Variants in STK11 observed in about 807,000 individuals in gnomAD.
The protein encoded by STK11 is serine/threonine kinase 11.
In STK11, 8 loss-of-function variants were observed where a neutral mutation model predicts 47.3. The observed-to-expected ratio is 0.17, with a 90% CI of 0.10 to 0.31. STK11 has a LOEUF of 0.31. Ranked by LOEUF, STK11 falls within the 10% of genes least tolerant of loss-of-function variation. STK11 has a pLI of 1.00. For missense variants in STK11, 475 were observed against 605.0 expected (o/e 0.79, Z 2.25); for synonymous variants, 330 against 255.8 (o/e 1.29, Z -2.77).
rs769772524 is a variant in STK11, at chr19:1,226,563, G to A, written c.1218G>A (p.Ala406=). Residue 406 remains alanine (A), a synonymous_variant, in exon 9 of 10, where the codon GCG becomes GCA. Coordinates refer to ENST00000326873, the MANE Select transcript of STK11 (RefSeq NM_000455.5). ...EAAQLSTKSR[A]EGRAPNPARK... The stretch of plus-strand genomic sequence containing the variant: ...CGCAGCTGAGCACCAAATCCAGGGC[G>A]GAGGGCCGGGCCCCCAACCCTGCCC... 9.4e-6 allele frequency: 15 copies of A among 1,592,314 alleles called. 1 individual carries two copies. Among genetic ancestry groups the A allele is most frequent in the East Asian group, 6.9e-5 (3 of 43,582 alleles).
chr19:1,206,772 CCCTT>C lies in STK11; in HGVS notation c.-137_-134del. ...CGTTTCTGTTGGAAGAAGGGTTTTTCCCTTCCTTTTGGGGTTTTTGTTGCCTTTT... is the reference window on the plus strand; with the variant it reads ...CGTTTCTGTTGGAAGAAGGGTTTTTCCCTTTTGGGGTTTTTGTTGCCTTTT... On this transcript the variant is annotated 5_prime_UTR_variant, in exon 1 of 10. Coordinates refer to ENST00000326873, the MANE Select transcript of STK11 (RefSeq NM_000455.5). The C allele has an allele frequency of 2.7e-6, 3 of 1,099,400 alleles. No homozygotes were observed. The highest frequency in any genetic ancestry group is 3.8e-6 in the Non-Finnish European group (3 of 793,598). The allele number at this position is 1,099,400 out of a possible 1,614,324, so 68.1% of individuals were successfully genotyped here.
chr19:1,223,780 C>T (rs542998747), intron 8 of STK11: 28 of 1,037,294 alleles, frequency 2.7e-5, no homozygotes, highest in African/African-American at 6.7e-5. Context: ...AGCGTAGGGG[C>T]GGCCCACATT....
chr19:1,223,042 A>G lies in STK11; in HGVS notation c.978A>G (p.Pro326=), dbSNP rs1555739204. ...CACCAGTGCCCATCCCACCGAGCCC[A>G]GACACCAAGGACCGGTGGCGCAGCA... ...AEAPVPIPPS[P]DTKDRWRSMT... Residue 326 remains proline, a synonymous_variant, in exon 8 of 10, where the codon CCA becomes CCG. Transcript: ENST00000326873. The G allele has an allele frequency of 6.3e-7, 1 of 1,599,008 alleles. No individual in the cohort carries two copies. The highest frequency in any genetic ancestry group is 8.5e-7 in the Non-Finnish European group (1 of 1,173,594).
Position 1,206,399 on chromosome 19 carries a change from A to T in STK11, c.-515A>T. On this transcript the variant is annotated 5_prime_UTR_variant, in exon 1 of 10. Transcript: ENST00000326873. ...CGGTGGGACCGGGGCGTCGCCGGAGACGCCCCCAGCGAAGTTGGGCTCTCC... is the reference window on the plus strand; with the variant it reads ...CGGTGGGACCGGGGCGTCGCCGGAGTCGCCCCCAGCGAAGTTGGGCTCTCC... The T allele has an allele frequency of 4.3e-6, 1 of 232,350 alleles. No individual in the cohort carries two copies. The highest frequency in any genetic ancestry group is 6.1e-5 in the East Asian group (1 of 16,482). 14.4% of individuals were successfully genotyped at this position (232,350 alleles called of 1,614,324 possible). A position where few individuals can be genotyped will look rare whatever the true frequency, so the allele number is the denominator to read the frequency against.
At chr19:1,219,277 C>T (rs1471011937) in intron 2 of STK11, 47 bp from the exon 3 acceptor site, 9 of 1,550,482 alleles carry the variant, frequency 5.8e-6, no homozygotes, top group East Asian at 2.4e-5. Flanking sequence ...GCTCCCTGGG[C>T]CTGTGAGTGG....
At position 1,228,084 on chromosome 19, in the gene STK11, A is replaced by T. The variant is rs2080840959; in HGVS notation, c.*508A>T. 2 of 1,065,092 alleles carry T rather than the reference A, an allele frequency of 1.9e-6. No individual in the cohort carries two copies. Among genetic ancestry groups the T allele is most frequent in the East Asian group, 9.9e-5 (2 of 20,114 alleles). The allele number at this position is 1,065,092 out of a possible 1,614,324, so 66.0% of individuals were successfully genotyped here. Reference sequence around the variant, plus strand: ...CTTTTTTTTTTTAAGAAAAAATAAAAGGTGGATTTGAGCTGTGGCTGTGAG... The same window carrying T: ...CTTTTTTTTTTTAAGAAAAAATAAATGGTGGATTTGAGCTGTGGCTGTGAG... On this transcript the variant is annotated 3_prime_UTR_variant, in exon 10 of 10. Transcript: ENST00000326873.
At chr19:1,220,065 CAG>C in intron 3 of STK11, 1 of 355,038 alleles carries the variant, frequency 2.8e-6, no homozygotes. Flanking sequence ...TGCAGGACCA[CAG>C]GGGCAGGGAG....
chr19:1,223,981 T>TA (rs2080804064), intron 8 of STK11: 1 of 1,008,232 alleles, frequency 9.9e-7, no homozygotes, highest in East Asian at 7.1e-5. Context: ...AGAAGGGGGG[T>TA]ACGCCAGGCA....
rs988561708 is a variant in STK11, at chr19:1,223,834, C to T, written c.1108+662C>T. Reference sequence around the variant, plus strand: ...GCCATGCTCCCGGCTTGGCTGTGTTCGGCCCAGGGCTGGGCCGTGTCATAA... The same window carrying T: ...GCCATGCTCCCGGCTTGGCTGTGTTTGGCCCAGGGCTGGGCCGTGTCATAA... On this transcript the variant is annotated intron_variant, in intron 8 of 9. Transcript: ENST00000326873. 3.0e-5 allele frequency: 31 copies of T among 1,028,384 alleles called. No homozygotes were observed. The Admixed American group carries it at 6.3e-4, about 21-fold the overall frequency. The allele number at this position is 1,028,384 out of a possible 1,614,324, so 63.7% of individuals were successfully genotyped here.
At chr19:1,226,329 A>C in intron 8 of STK11, 125 bp from the exon 9 acceptor site, 1 of 1,492,998 alleles carries the variant, frequency 6.7e-7, no homozygotes, top group East Asian at 2.5e-5. Flanking sequence ...CCTGGGCCTG[A>C]CCCGGGGGCG....
intron 1 of STK11, among the ~76,000 whole-genome samples, chr19:1,216,098 T>G (rs922742010): frequency 5.3e-5 from 8 of 151,156 alleles, no homozygotes; most frequent in African/African-American, 1.7e-4. Flanking sequence ...AAAAAAAAAC[T>G]ATGGAGATGG....
chr19:1,220,454 G>A lies in STK11; in HGVS notation c.546G>A (p.Leu182=), dbSNP rs2145424468. The A allele has an allele frequency of 6.2e-7, 1 of 1,607,214 alleles. No individual in the cohort carries two copies. Among genetic ancestry groups the A allele is most frequent in the Non-Finnish European group, 8.5e-7 (1 of 1,177,328 alleles). Residue 182 remains leucine (L), a synonymous_variant, in exon 4 of 10, where the codon CTG becomes CTA. Transcript: ENST00000326873. ...ACAAGGACATCAAGCCGGGGAACCT[G>A]CTGCTCACCACCGGTGGCACCCTCA... ...IVHKDIKPGN[L]LLTTGGTLKI...
chr19:1,224,820 A>C, intron 8 of STK11: 1 of 985,550 alleles, frequency 1.0e-6, no homozygotes, highest in Non-Finnish European at 1.2e-6. Context: ...CTGAGGCCTC[A>C]GTACTCAGTA....
Position 1,228,049 on chromosome 19 carries a change from TTC to T in STK11, c.*475_*476del, listed in dbSNP as rs748335753. On this transcript the variant is annotated 3_prime_UTR_variant, in exon 10 of 10. Transcript: ENST00000326873. ...GGTTTTTTGTTTGGTTGGTTCCATT[TTC>T]TTTTTTTCTTTTTTTTTTTAAGAAA... 2.7e-5 allele frequency: 29 copies of T among 1,065,648 alleles called. No individual in the cohort carries two copies. Among genetic ancestry groups the T allele is most frequent in the East Asian group, 5.0e-5 (1 of 20,186 alleles). The allele number at this position is 1,065,648 out of a possible 1,614,324, so 66.0% of individuals were successfully genotyped here.
rs568420013 is a variant in STK11 at position 1,206,559 on chromosome 19, A to C, written c.-355A>C. The C allele has an allele frequency of 6.4e-4, 251 of 389,528 alleles. 1 individual carries two copies. The highest frequency in any genetic ancestry group is 4.7e-3 in the African/African-American group (233 of 49,398). 24.1% of individuals were successfully genotyped at this position (389,528 alleles called of 1,614,324 possible). On this transcript the variant is annotated 5_prime_UTR_variant, in exon 1 of 10. Transcript: ENST00000326873. ...CCCCGGAGGATGACCTAGCACTGAA[A>C]AGCCCCGGCCGGCCTCCCCAGGGTC...
intron 1 of STK11, 69 bp from the exon 2 acceptor site, chr19:1,218,348 G>A (rs1347171899): frequency 1.5e-5 from 20 of 1,316,072 alleles, no homozygotes; most frequent in South Asian, 3.5e-5. Context: ...TGGGGAGGCC[G>A]ACTCCAGGGA....
chr19:1,224,517 G>A, intron 8 of STK11: 2 of 985,444 alleles, frequency 2.0e-6, no homozygotes, highest in African/African-American at 1.7e-5. Context: ...CAGGCAGGAG[G>A]GCCAGTTAGG....
At chr19:1,224,329 C>T (rs764987151) in intron 8 of STK11, 16 of 985,264 alleles carry the variant, frequency 1.6e-5, no homozygotes, top group East Asian at 1.1e-4. Flanking sequence ...CCACGACCAT[C>T]GCGTCTGGTC....
chr19:1,226,864 CTGGTCA>C (rs2080827327), intron 9 of STK11: 1 of 640,150 alleles, frequency 1.6e-6, no homozygotes, highest in Non-Finnish European at 2.5e-6. Context: ...GGCCAGCGTG[CTGGTCA>C]TGGAGGCCTA....
Sources: allele counts gnomAD v4.1 joint callset (sites outside exome capture counted in the v4.1 genomes callset), GRCh38; gene constraint gnomAD v4.1.1; transcripts MANE v1.5; gene names NCBI Gene and HGNC (gene_info 2026-07-23, HGNC 2026-07-21).